The following FARP1 variants were observed in gnomAD, a reference collection of about 807,000 sequenced individuals.
FARP1 encodes FERM, ARH/RhoGEF and pleckstrin domain protein 1.
Under a neutral mutation model 128.8 loss-of-function variants are expected in FARP1, and 52 were observed. The observed-to-expected ratio is 0.40, with a 90% CI of 0.32 to 0.51. The LOEUF is 0.51. Among genes scored for constraint, FARP1 ranks in the 20% least tolerant of loss-of-function variants. The pLI, the probability that FARP1 is intolerant of heterozygous loss-of-function variation, is 0.45. For synonymous variants in FARP1, 580 were observed against 551.8 expected (o/e 1.05, Z -0.72); for missense variants, 1,333 against 1,367.9 (o/e 0.97, Z 0.40).
chr13:98,314,458 T>C (rs1373624981), intron 2 of FARP1, among the ~76,000 whole-genome samples: 4 of 151,836 alleles, frequency 2.6e-5, no homozygotes, highest in African/African-American at 9.7e-5. Flanking sequence ...TTTTGTATTT[T>C]TAGTAGAGAC....
intron 2 of FARP1, chr13:98,244,481 C>G: frequency 1.2e-6 from 2 of 1,613,044 alleles, no homozygotes; most frequent in Middle Eastern, 3.3e-4. Flanking sequence ...TTGCTCTCCT[C>G]TCTTCCCAGA....
chr13:98,310,903 C>T (rs1299558230), intron 2 of FARP1, among the ~76,000 whole-genome samples: 1 of 152,132 alleles, frequency 6.6e-6, no homozygotes, highest in Non-Finnish European at 1.5e-5. Flanking sequence ...AGTCCCCTTC[C>T]CCATTACCTA....
At chr13:98,235,275 G>T (rs1272352645) in intron 2 of FARP1, among the ~76,000 whole-genome samples, 1 of 152,132 alleles carries the variant, frequency 6.6e-6, no homozygotes, top group African/African-American at 2.4e-5. Flanking sequence ...TCATCACAGT[G>T]CCCAAGGCTG....
At position 98,439,998 on chromosome 13, in the gene FARP1, G is replaced by A. The variant is rs1892456120; in HGVS notation, c.2471G>A (p.Cys824Tyr). The change falls in exon 22 of 27, where the codon TGC becomes TAC. Residue 824 changes from cysteine (C) to tyrosine (Y), a missense_variant. Cys to Tyr is a radical substitution (Grantham distance 194). This residue lies in a region of FARP1 where 1,009 missense variants were observed against 969.8 expected (regional missense o/e 1.04). Coordinates refer to ENST00000319562, the MANE Select transcript of FARP1 (RefSeq NM_005766.4). ...ESEDEWGVPH[C>Y]LTLRGQRQSI... is the part of the protein sequence containing the mutation. Reference sequence around the variant, plus strand: ...GAAGACGAGTGGGGGGTGCCCCACTGCCTGACCCTCCGGGGCCAGCGGCAG... The same window carrying A: ...GAAGACGAGTGGGGGGTGCCCCACTACCTGACCCTCCGGGGCCAGCGGCAG... The A allele has an allele frequency of 6.3e-7, 1 of 1,599,040 alleles. No homozygotes were observed. The highest frequency in any genetic ancestry group is 8.5e-7 in the Non-Finnish European group (1 of 1,169,678).
intron 18 of FARP1, chr13:98,431,554 C>T (rs1454477902): frequency 1.2e-5 from 3 of 251,906 alleles, no homozygotes; most frequent in Non-Finnish European, 2.3e-5. Context: ...CTCCACCTCC[C>T]GGGTTCAAGC....
At chr13:98,418,954 G>A (rs1034218758) in intron 16 of FARP1, among the ~76,000 whole-genome samples, 1 of 152,186 alleles carries the variant, frequency 6.6e-6, no homozygotes, top group Non-Finnish European at 1.5e-5. Flanking sequence ...CTATAGCTTT[G>A]AGCAACCTAA....
intron 2 of FARP1, among the ~76,000 whole-genome samples, chr13:98,282,886 C>T (rs549968236): frequency 1.9e-4 from 28 of 151,198 alleles, no homozygotes; most frequent in South Asian, 1.0e-3. Flanking sequence ...GGCAACAGGG[C>T]GAGACTCCGT....
At chr13:98,379,049 A>G (rs1226982126) in intron 6 of FARP1, among the ~76,000 whole-genome samples, 3 of 87,996 alleles carry the variant, frequency 3.4e-5, no homozygotes, top group African/African-American at 1.8e-4. Context: ...ACAATATGTA[A>G]TCTATATATA....
At chr13:98,202,627 G>T (rs911948249) in intron 1 of FARP1, among the ~76,000 whole-genome samples, 2 of 152,014 alleles carry the variant, frequency 1.3e-5, no homozygotes, top group Admixed American at 1.3e-4. Context: ...CTCTCAGTGG[G>T]GCAGGAGTAG....
At position 98,176,242 on chromosome 13, in the gene FARP1, C is replaced by CA; in HGVS notation, c.-24+32751dup. ...GGAAACCTAAGCCATGGGAATTGGA[C>CA]ACTCATGGGGGTCTTCTGTGAAATG... On this transcript the variant is annotated intron_variant, in intron 1 of 26. Coordinates refer to ENST00000319562, the MANE Select transcript of FARP1 (RefSeq NM_005766.4). The surrounding 1 kb of genome is among the most constrained non-coding windows in gnomAD (Gnocchi z 6.2). 1 of 1,602,812 alleles carries CA rather than the reference C, an allele frequency of 6.2e-7. No individual in the cohort carries two copies. Among genetic ancestry groups the CA allele is most frequent in the Non-Finnish European group, 8.5e-7 (1 of 1,170,564 alleles).
Position 98,378,796 on chromosome 13 carries a change from T to C in FARP1, c.496+878T>C, listed in dbSNP as rs370689826. On this transcript the variant is annotated intron_variant, in intron 6 of 26. Coordinates refer to ENST00000319562, the MANE Select transcript of FARP1 (RefSeq NM_005766.4). ...CTTGTTTTTTGAATATGAGCACTTATTAGATAGATGTTTTCTTACCAATTT... is the reference window on the plus strand; with the variant it reads ...CTTGTTTTTTGAATATGAGCACTTACTAGATAGATGTTTTCTTACCAATTT... Among the ~76,000 whole-genome samples the C allele has an allele frequency of 6.7e-5, 10 of 149,514 alleles. No individual in the cohort carries two copies. In the East Asian group the frequency reaches 7.8e-4, roughly 12 times the overall value.
chr13:98,313,898 G>C (rs1854540), intron 2 of FARP1, among the ~76,000 whole-genome samples: 148,517 of 152,282 alleles, frequency 0.98, 72,455 homozygotes, highest in Middle Eastern at 1. Context: ...ACTAGACTTC[G>C]AGAAAAACCC....
At chr13:98,155,604 T>G (rs1475765633) in intron 1 of FARP1, among the ~76,000 whole-genome samples, 1 of 152,130 alleles carries the variant, frequency 6.6e-6, no homozygotes, top group Non-Finnish European at 1.5e-5. Flanking sequence ...TTGCAATCTC[T>G]GCCTCCCAGG....
chr13:98,390,918 G>GCCTT, intron 11 of FARP1, 38 bp downstream of exon 11: 11 of 1,351,028 alleles, frequency 8.1e-6, no homozygotes, highest in Non-Finnish European at 1.1e-5. Context: ...GTCTGAGAAG[G>GCCTT]CTCAGACTCG....
chr13:98,161,636 T>G (rs535552450), intron 1 of FARP1, among the ~76,000 whole-genome samples: 38 of 152,284 alleles, frequency 2.5e-4, no homozygotes, highest in African/African-American at 8.7e-4. Flanking sequence ...TTCCCAGATG[T>G]CTTTCAAGCC....
At chr13:98,319,322 A>G (rs911739115) in intron 2 of FARP1, among the ~76,000 whole-genome samples, 1 of 105,496 alleles carries the variant, frequency 9.5e-6, no homozygotes, top group African/African-American at 3.8e-5. Flanking sequence ...TTTATTATAG[A>G]AAATAATCAG....
intron 2 of FARP1, chr13:98,244,537 C>T (rs768033279): frequency 2.7e-5 from 44 of 1,614,062 alleles, no homozygotes; most frequent in African/African-American, 1.2e-4. Flanking sequence ...TCCTCCTGGA[C>T]GGGTTGGGTA....
intron 2 of FARP1, among the ~76,000 whole-genome samples, chr13:98,256,951 A>ATATATATATATATATATATATG (rs1883632948): frequency 4.4e-4 from 14 of 31,694 alleles, no homozygotes; most frequent in Non-Finnish European, 5.9e-4. Context: ...ATATGTGGAT[A>ATATATATATATATATATATATG]TATATATATA....
chr13:98,316,898 G>C (rs1466390063), intron 2 of FARP1, among the ~76,000 whole-genome samples: 2 of 152,244 alleles, frequency 1.3e-5, no homozygotes, highest in African/African-American at 2.4e-5. Context: ...AAATAGGGGT[G>C]CTTTTCACAT....
Sources: gnomAD v4.1 joint callset for allele counts (sites outside exome capture counted in the v4.1 genomes callset) on GRCh38, gnomAD v4.1.1 for gene constraint, gnomAD v4.1.1 regional missense constraint, Gnocchi (gnomAD v3.1) non-coding constraint, MANE v1.5 for transcripts, NCBI Gene and HGNC (gene_info 2026-07-23, HGNC 2026-07-21) for gene names.